Variants in DCHS2 observed in about 807,000 individuals in gnomAD.
The protein encoded by DCHS2 is protocadherin-23.
Under a neutral mutation model 182.4 loss-of-function variants are expected in DCHS2, and 142 were observed. That is an observed-to-expected ratio of 0.78 (90% CI 0.68 to 0.89). The LOEUF (loss-of-function observed/expected upper bound fraction) is 0.89, where lower values mean the gene tolerates loss of function less well. Ranked by LOEUF, DCHS2 falls within the 40% of genes least tolerant of loss-of-function variation. The probability of loss-of-function intolerance (pLI) is 0.00; values close to 1 mark genes in which losing one functional copy is unlikely to be tolerated. For synonymous variants in DCHS2, 1,740 were observed against 1,663.3 expected (o/e 1.05, Z -1.12); for missense variants, 4,319 against 4,198.6 (o/e 1.03, Z -0.79).
chr4:154,279,799 C>G (rs1159113368), intron 13 of DCHS2, among the ~76,000 whole-genome samples: 1 of 151,672 alleles, frequency 6.6e-6, no homozygotes, highest in Non-Finnish European at 1.5e-5. Context: ...AATTAACAAT[C>G]TAACATTACA....
At chr4:154,379,371 G>C (rs1003861659) in intron 1 of DCHS2, among the ~76,000 whole-genome samples, 1 of 152,158 alleles carries the variant, frequency 6.6e-6, no homozygotes, top group African/African-American at 2.4e-5. Context: ...CTGCAAGGGA[G>C]GCTGAGAAAA....
At chr4:154,451,030 C>T (rs1734510297) in intron 1 of DCHS2, among the ~76,000 whole-genome samples, 1 of 152,148 alleles carries the variant, frequency 6.6e-6, no homozygotes, top group Admixed American at 6.6e-5. Flanking sequence ...TTTGAGTGTG[C>T]TACTCCAGTC....
At chr4:154,259,483 C>A in intron 15 of DCHS2, 62 bp downstream of exon 15, 1 of 1,576,904 alleles carries the variant, frequency 6.3e-7, no homozygotes, top group South Asian at 1.2e-5. Flanking sequence ...CTCTCTCTCT[C>A]TCTCACACAG....
chr4:154,251,763 C>T (rs1732373170), intron 16 of DCHS2, among the ~76,000 whole-genome samples: 1 of 152,140 alleles, frequency 6.6e-6, no homozygotes, highest in Non-Finnish European at 1.5e-5. Flanking sequence ...AGGTGATCTG[C>T]CCGCCTCAGC....
At chr4:154,445,882 G>A (rs937422264) in intron 1 of DCHS2, among the ~76,000 whole-genome samples, 5 of 150,562 alleles carry the variant, frequency 3.3e-5, no homozygotes, top group Admixed American at 2.0e-4. Context: ...AACATCCCTC[G>A]AGTAGAACAA....
At chr4:154,364,505 T>A (rs1445529456) in intron 3 of DCHS2, among the ~76,000 whole-genome samples, 3 of 152,230 alleles carry the variant, frequency 2.0e-5, no homozygotes, top group African/African-American at 7.2e-5. Flanking sequence ...AACAGACTAA[T>A]TTCCCGCAAA....
intron 5 of DCHS2, among the ~76,000 whole-genome samples, chr4:154,331,216 C>T (rs925456801): frequency 2.6e-5 from 4 of 152,252 alleles, no homozygotes; most frequent in African/African-American, 9.6e-5. Flanking sequence ...AAGCATGGCA[C>T]AGGGCGTGTC....
In DCHS2 at chr4:154,235,988, G is replaced by A. The variant is rs1487027323; in HGVS notation, c.8664C>T (p.Thr2888=). The A allele has an allele frequency of 1.9e-6, 3 of 1,613,844 alleles. No homozygotes were observed. The African/African-American group carries it at 4.0e-5, about 22-fold the overall frequency. ...GTCTGTCTTTATTCTTTTCTGGGAG[G>A]GTGAAAAAATACTGATCTTGAGTGA... ...PIFTQDQYFF[T]LPEKNKDRQL... The change falls in exon 20 of 20, where the codon ACC becomes ACT. Residue 2888 remains threonine, a synonymous_variant. Transcript: ENST00000357232.
At chr4:154,478,673 A>G (rs1420106655) in intron 1 of DCHS2, among the ~76,000 whole-genome samples, 1 of 152,178 alleles carries the variant, frequency 6.6e-6, no homozygotes, top group Non-Finnish European at 1.5e-5. Context: ...CAAGCTCGAA[A>G]TTCTGTACAT....
At position 154,333,435 on chromosome 4, in the gene DCHS2, T is replaced by C. The variant is rs1451363410; in HGVS notation, c.2773A>G (p.Ile925Val). ...CGAATAGTGCCCAGCCGCGGGTGAA[T>C]GGAGAACTTTCCGCCGAGATCACCA... is the stretch of plus-strand genomic sequence containing the variant. ...SSGDLGGKFS[I>V]HPRLGTIRTR... Residue 925 changes from isoleucine (I) to valine (V), a missense_variant, in exon 5 of 20, where the codon ATT (isoleucine) becomes GTT (valine). Physicochemically the swap from Ile to Val is conservative, Grantham distance 29. Transcript: ENST00000357232. The C allele has an allele frequency of 6.2e-7, 1 of 1,613,756 alleles. No individual in the cohort carries two copies. The highest frequency in any genetic ancestry group is 1.3e-5 in the African/African-American group (1 of 74,836).
intron 1 of DCHS2, among the ~76,000 whole-genome samples, chr4:154,441,777 TG>T (rs1422297589): frequency 2.6e-5 from 4 of 152,312 alleles, no homozygotes; most frequent in African/African-American, 9.6e-5. Flanking sequence ...AAGCACTTCT[TG>T]TTTTATAAAA....
At position 154,462,450 on chromosome 4, in the gene DCHS2, C is replaced by T. The variant is rs187859293; in HGVS notation, c.2052+26854G>A. ...CATGTAAGGTAGGTAAGAAAGATGG[C>T]GTCATTATTTATGTTCTCTGAGAGA... On this transcript the variant is annotated intron_variant, in intron 1 of 19. Transcript: ENST00000357232. Among the ~76,000 whole-genome samples the T allele has an allele frequency of 1.0e-3, 154 of 152,140 alleles. 1 individual carries two copies. The highest frequency in any genetic ancestry group is 3.4e-3 in the African/African-American group (141 of 41,516).
intron 1 of DCHS2, among the ~76,000 whole-genome samples, chr4:154,450,808 G>A (rs1734500384): frequency 6.6e-6 from 1 of 152,016 alleles, no homozygotes; most frequent in South Asian, 2.1e-4. Flanking sequence ...GGCAACAAGA[G>A]TGAAACTCCC....
chr4:154,376,454 T>TAA (rs34265927), intron 2 of DCHS2, among the ~76,000 whole-genome samples: 40 of 151,716 alleles, frequency 2.6e-4, no homozygotes, highest in Admixed American at 7.2e-4. Context: ...AAGTTACTAT[T>TAA]AAAAAAAACT....
chr4:154,374,054 C>T (rs1442236374), intron 2 of DCHS2: 19 of 1,013,270 alleles, frequency 1.9e-5, no homozygotes, highest in East Asian at 2.7e-5. Flanking sequence ...TCTATATCTA[C>T]AATACCAGAA....
chr4:154,294,572 G>C (rs1734837482), intron 13 of DCHS2, among the ~76,000 whole-genome samples: 1 of 152,142 alleles, frequency 6.6e-6, no homozygotes, highest in Non-Finnish European at 1.5e-5. Context: ...TTGTAGAATA[G>C]GTGGAAGGTC....
chr4:154,473,560 T>G (rs1284284607), intron 1 of DCHS2, among the ~76,000 whole-genome samples: 1 of 152,136 alleles, frequency 6.6e-6, no homozygotes, highest in Non-Finnish European at 1.5e-5. Context: ...ACAAATGTAG[T>G]GGATACAGCC....
At chr4:154,318,854 G>A (rs1004758315) in intron 9 of DCHS2, among the ~76,000 whole-genome samples, 2 of 151,912 alleles carry the variant, frequency 1.3e-5, no homozygotes, top group Non-Finnish European at 1.5e-5. Context: ...AAATAATATC[G>A]CAATTCAAAT....
In DCHS2 at chr4:154,406,920, G is replaced by A. The variant is rs1732424295; in HGVS notation, c.2053-29476C>T. ...TCATGTTCCAATCTTCCCCTCCTTG[G>A]GGTCTCTCTCACAAAAGAAAAAAGA... On this transcript the variant is annotated intron_variant, in intron 1 of 19. Coordinates refer to ENST00000357232, the MANE Select transcript of DCHS2 (RefSeq NM_001358235.2). 2.0e-5 allele frequency among the ~76,000 whole-genome samples: 3 copies of A among 152,068 alleles called. No homozygotes were observed. In the South Asian group the frequency reaches 6.2e-4, roughly 32 times the overall value.
Sources: allele counts gnomAD v4.1 joint callset (sites outside exome capture counted in the v4.1 genomes callset), GRCh38; gene constraint gnomAD v4.1.1; transcripts MANE v1.5; gene names NCBI Gene and HGNC (gene_info 2026-07-23, HGNC 2026-07-21).